The following EFNA5 variants were observed in gnomAD, a reference collection of about 807,000 sequenced individuals.
EFNA5 encodes the protein ephrin-A5.
EFNA5 carries 5 observed loss-of-function variants against 22.9 expected under a neutral mutation model. The observed-to-expected ratio is 0.22, with a 90% CI of 0.11 to 0.46. EFNA5 has a LOEUF of 0.46. Among genes scored for constraint, EFNA5 ranks in the 20% least tolerant of loss-of-function variants. The pLI is 0.99. For synonymous variants in EFNA5, 113 were observed against 112.2 expected, an observed-to-expected ratio of 1.01 and a Z score of -0.04; for missense variants, 237 against 293.3, an observed-to-expected ratio of 0.81 and a Z score of 1.40.
chr5:107,634,113 G>C (rs1167585692), intron 1 of EFNA5, among the ~76,000 whole-genome samples: 1 of 152,194 alleles, frequency 6.6e-6, no homozygotes, highest in Non-Finnish European at 1.5e-5. Context: ...GGGGATAACA[G>C]ATACAGTAGA....
At chr5:107,667,007 G>C (rs1369496076) in intron 1 of EFNA5, among the ~76,000 whole-genome samples, 1 of 152,040 alleles carries the variant, frequency 6.6e-6, no homozygotes, top group Admixed American at 6.5e-5. Context: ...AGGACAAATA[G>C]TTATATTCTT....
intron 1 of EFNA5, among the ~76,000 whole-genome samples, chr5:107,542,177 GTCTT>G (rs1748063024): frequency 6.6e-6 from 1 of 152,094 alleles, no homozygotes; most frequent in Admixed American, 6.5e-5. Context: ...GTCTTCTTAA[GTCTT>G]TCTAATTTTA....
At chr5:107,485,619 G>A (rs557947846) in intron 1 of EFNA5, among the ~76,000 whole-genome samples, 3 of 152,244 alleles carry the variant, frequency 2.0e-5, no homozygotes, top group South Asian at 2.1e-4. Flanking sequence ...ATGTTCAAAA[G>A]TTAGAGATAC....
chr5:107,465,825 A>G (rs1394050725), intron 1 of EFNA5, among the ~76,000 whole-genome samples: 1 of 151,924 alleles, frequency 6.6e-6, no homozygotes, highest in Non-Finnish European at 1.5e-5. Flanking sequence ...CACACAATCC[A>G]AGCAGGATAG....
chr5:107,606,262 A>G (rs1174032042), intron 1 of EFNA5, among the ~76,000 whole-genome samples: 1 of 152,164 alleles, frequency 6.6e-6, no homozygotes, highest in African/African-American at 2.4e-5. Flanking sequence ...TGAACATTAA[A>G]ATTGATTTTC....
chr5:107,441,964 G>T (rs771487496), intron 1 of EFNA5, among the ~76,000 whole-genome samples: 10 of 152,008 alleles, frequency 6.6e-5, no homozygotes, highest in Non-Finnish European at 1.2e-4. Context: ...TTTGATAAAG[G>T]TTTTGACTCA....
rs140580111 is a variant in EFNA5 at position 107,426,123 on chromosome 5, C to G, written c.418+1094G>C. 2.4e-3 allele frequency among the ~76,000 whole-genome samples: 361 copies of G among 152,302 alleles called. 1 individual carries two copies. The highest frequency in any genetic ancestry group is 3.9e-3 in the Non-Finnish European group (266 of 68,028). On this transcript the variant is annotated intron_variant, in intron 2 of 4. Coordinates refer to ENST00000333274, the MANE Select transcript of EFNA5 (RefSeq NM_001962.3). ...ATGTCTGCTCCCCAGTGAAAGGTCA[C>G]TCCCTAAGAACAGGGAATATCTTTT...
At chr5:107,412,366 C>A (rs1248838699) in intron 2 of EFNA5, among the ~76,000 whole-genome samples, 1 of 152,078 alleles carries the variant, frequency 6.6e-6, no homozygotes, top group Non-Finnish European at 1.5e-5. Flanking sequence ...ATAGTTTGTT[C>A]TCAGTAGCAG....
chr5:107,502,567 C>G (rs1186042129), intron 1 of EFNA5, among the ~76,000 whole-genome samples: 1 of 152,158 alleles, frequency 6.6e-6, no homozygotes, highest in Non-Finnish European at 1.5e-5. Context: ...TTTGACAGCA[C>G]ATAACTGCTG....
At chr5:107,496,336 CA>C (rs77916124) in intron 1 of EFNA5, among the ~76,000 whole-genome samples, 27,508 of 79,786 alleles carry the variant, frequency 0.34, 2,949 homozygotes, top group African/African-American at 0.41. Flanking sequence ...AATTCCATCT[CA>C]AAAAAAAAAA....
chr5:107,560,152 A>T (rs908843074), intron 1 of EFNA5, among the ~76,000 whole-genome samples: 7 of 152,202 alleles, frequency 4.6e-5, no homozygotes, highest in Non-Finnish European at 1.0e-4. Flanking sequence ...TTTTTAAGAG[A>T]TTGCTTTTAC....
At chr5:107,398,662 C>A (rs770515708) in intron 2 of EFNA5, among the ~76,000 whole-genome samples, 1 of 151,650 alleles carries the variant, frequency 6.6e-6, no homozygotes, top group Non-Finnish European at 1.5e-5. Context: ...GCCTGGGCAA[C>A]GTGGCAAGAC....
chr5:107,392,170 A>G (rs1294025501), intron 2 of EFNA5, among the ~76,000 whole-genome samples: 3 of 152,160 alleles, frequency 2.0e-5, no homozygotes, highest in African/African-American at 7.2e-5. Context: ...TGTGGCGGGC[A>G]GCTTCTGACA....
intron 1 of EFNA5, among the ~76,000 whole-genome samples, chr5:107,498,486 C>A (rs1371519557): frequency 6.6e-6 from 1 of 152,204 alleles, no homozygotes; most frequent in African/African-American, 2.4e-5. Context: ...CTTCCCTGGA[C>A]CCCCACACAT....
intron 1 of EFNA5, among the ~76,000 whole-genome samples, chr5:107,591,881 A>T (rs1181222621): frequency 5.6e-5 from 2 of 35,924 alleles, no homozygotes; most frequent in East Asian, 8.6e-4. Flanking sequence ...TATAATATAT[A>T]ATATATATAT....
At chr5:107,655,952 G>A (rs776394332) in intron 1 of EFNA5, among the ~76,000 whole-genome samples, 2 of 152,110 alleles carry the variant, frequency 1.3e-5, no homozygotes, top group African/African-American at 2.4e-5. Flanking sequence ...CAAGCAGAGC[G>A]TCAAGAGGTT....
intron 1 of EFNA5, among the ~76,000 whole-genome samples, chr5:107,651,455 C>G (rs1193379436): frequency 6.6e-6 from 1 of 151,970 alleles, no homozygotes; most frequent in Non-Finnish European, 1.5e-5. Context: ...AAGTAAATGC[C>G]AAAGCCTGTA....
chr5:107,583,669 A>G (rs1233543012), intron 1 of EFNA5, among the ~76,000 whole-genome samples: 1 of 152,240 alleles, frequency 6.6e-6, no homozygotes, highest in Non-Finnish European at 1.5e-5. Flanking sequence ...AAGGATCTAC[A>G]TAATGGGACG....
chr5:107,485,595 A>G (rs1307426987), intron 1 of EFNA5, among the ~76,000 whole-genome samples: 1 of 152,180 alleles, frequency 6.6e-6, no homozygotes, highest in South Asian at 2.1e-4. Context: ...TGCCATACCT[A>G]CTTCCTATGG....
Sources: gnomAD v4.1 joint callset for allele counts (sites outside exome capture counted in the v4.1 genomes callset) on GRCh38, gnomAD v4.1.1 for gene constraint, MANE v1.5 for transcripts, NCBI Gene and HGNC (gene_info 2026-07-23, HGNC 2026-07-21) for gene names.